NME7: variants seen among roughly 807,000 people sequenced by gnomAD.
NME7 encodes nucleoside diphosphate kinase 7.
Under a neutral mutation model 49.1 loss-of-function variants are expected in NME7, and 41 were observed. That is an observed-to-expected ratio of 0.83 (90% confidence interval 0.65 to 1.08). The LOEUF (loss-of-function observed/expected upper bound fraction) is 1.08, where lower values mean the gene tolerates loss of function less well. Among genes scored for constraint, NME7 ranks in the 50% least tolerant of loss-of-function variants. The pLI is 0.00. For missense variants in NME7, 423 were observed against 463.4 expected (o/e 0.91, Z 0.80); for synonymous variants, 139 against 150.6 (o/e 0.92, Z 0.56).
In NME7 at chr1:169,262,459, G is replaced by A. The variant is rs1293265896; in HGVS notation, c.755-24772C>T. Reference sequence around the variant, plus strand: ...AGAAACTAAGTTTTTGGATATCTGGGGGCAGGGCTAAGATGGTAGACTGGA... The same window carrying A: ...AGAAACTAAGTTTTTGGATATCTGGAGGCAGGGCTAAGATGGTAGACTGGA... On this transcript the variant is annotated intron_variant, in intron 7 of 11. Transcript: ENST00000367811. Among the ~76,000 whole-genome samples the A allele has an allele frequency of 1.5e-5, 2 of 134,056 alleles. 1 individual carries two copies. The highest frequency in any genetic ancestry group is 1.5e-4 in the Admixed American group (2 of 13,782). The allele number at this position is 134,056 out of a possible 152,430, so 87.9% of individuals were successfully genotyped here.
intron 11 of NME7, among the ~76,000 whole-genome samples, chr1:169,146,352 C>T (rs187449242): frequency 2.2e-3 from 337 of 152,238 alleles, no homozygotes; most frequent in African/African-American, 7.4e-3. Flanking sequence ...TGGGGTGATT[C>T]ACACAGGCAT....
intron 10 of NME7, among the ~76,000 whole-genome samples, chr1:169,201,276 A>G (rs1318323393): frequency 1.3e-5 from 2 of 152,132 alleles, no homozygotes; most frequent in African/African-American, 4.8e-5. Context: ...ATTCTGCTAC[A>G]TAGACAGAAA....
intron 10 of NME7, among the ~76,000 whole-genome samples, chr1:169,180,308 C>A (rs902668795): frequency 6.6e-6 from 1 of 152,136 alleles, no homozygotes; most frequent in African/African-American, 2.4e-5. Flanking sequence ...TTATATAGTA[C>A]TTGTGTTTTT....
At chr1:169,246,267 C>T (rs563395731) in intron 7 of NME7, among the ~76,000 whole-genome samples, 2 of 152,210 alleles carry the variant, frequency 1.3e-5, no homozygotes, top group African/African-American at 4.8e-5. Context: ...GATGGCACAA[C>T]TGCAATCCAG....
chr1:169,158,690 G>A (rs571155019), intron 11 of NME7, among the ~76,000 whole-genome samples: 2 of 152,252 alleles, frequency 1.3e-5, no homozygotes, highest in African/African-American at 4.8e-5. Flanking sequence ...CAAATTTCAT[G>A]GGCATCAGAA....
chr1:169,221,223 C>T lies in NME7; in HGVS notation c.990+9495G>A, dbSNP rs529203231. ...GGTCCAACTCACCATCATCTTGTAC[C>T]TGGATTATAACTTCCACTCTTGTCT... On this transcript the variant is annotated intron_variant, in intron 10 of 11. Coordinates refer to ENST00000367811, the MANE Select transcript of NME7 (RefSeq NM_013330.5). Among the ~76,000 whole-genome samples the T allele has an allele frequency of 1.7e-4, 26 of 152,264 alleles. No individual in the cohort carries two copies. The East Asian group carries it at 4.8e-3, about 28-fold the overall frequency.
chr1:169,134,768 C>T (rs1016776235), intron 11 of NME7, among the ~76,000 whole-genome samples: 1 of 151,780 alleles, frequency 6.6e-6, no homozygotes, highest in Non-Finnish European at 1.5e-5. Flanking sequence ...TAAATTTGTT[C>T]AAGTATAGCA....
At chr1:169,321,006 T>C (rs939140779) in intron 3 of NME7, among the ~76,000 whole-genome samples, 2 of 152,212 alleles carry the variant, frequency 1.3e-5, no homozygotes, top group Non-Finnish European at 2.9e-5. Flanking sequence ...TTCTATAAAA[T>C]AGATTTAACA....
intron 11 of NME7, among the ~76,000 whole-genome samples, chr1:169,157,833 G>T (rs535922405): frequency 2.4e-4 from 36 of 152,340 alleles, no homozygotes; most frequent in African/African-American, 8.2e-4. Flanking sequence ...AACCAAAGCC[G>T]ACTTCGAAGA....
intron 1 of NME7, among the ~76,000 whole-genome samples, chr1:169,361,673 G>A (rs562042604): frequency 2.8e-4 from 42 of 151,536 alleles, no homozygotes; most frequent in African/African-American, 9.9e-4. Context: ...CCAGCTACTC[G>A]GGAGGCTGGG....
chr1:169,333,386 A>C (rs1263569232), intron 1 of NME7, among the ~76,000 whole-genome samples: 2 of 152,170 alleles, frequency 1.3e-5, no homozygotes, highest in Non-Finnish European at 2.9e-5. Context: ...AAGAATGACT[A>C]AGACCTAATA....
intron 10 of NME7, among the ~76,000 whole-genome samples, chr1:169,228,681 CT>C (rs1647451495): frequency 2.0e-5 from 2 of 97,976 alleles, no homozygotes; most frequent in Admixed American, 1.1e-4. Flanking sequence ...GAGACTCCGT[CT>C]CAAAAAAAAA....
intron 3 of NME7, among the ~76,000 whole-genome samples, chr1:169,317,538 T>C (rs1651693612): frequency 1.3e-5 from 2 of 152,146 alleles, no homozygotes; most frequent in Non-Finnish European, 2.9e-5. Context: ...TAGCAAGGCC[T>C]CTGTTACTGA....
chr1:169,292,783 T>C (rs1214855006), intron 6 of NME7, among the ~76,000 whole-genome samples: 1 of 152,122 alleles, frequency 6.6e-6, no homozygotes, highest in East Asian at 1.9e-4. Flanking sequence ...GGTAGAAAAG[T>C]ATATTCCAGG....
intron 1 of NME7, among the ~76,000 whole-genome samples, chr1:169,366,459 GT>G: frequency 6.6e-6 from 1 of 152,162 alleles, no homozygotes; most frequent in Non-Finnish European, 1.5e-5. Context: ...GGAGGACATG[GT>G]TTTGCTTTAT....
intron 1 of NME7, among the ~76,000 whole-genome samples, chr1:169,331,408 G>A (rs1013810255): frequency 2.6e-5 from 4 of 152,138 alleles, no homozygotes; most frequent in African/African-American, 9.7e-5. Flanking sequence ...TCTGAGATCT[G>A]AAACATGACG....
chr1:169,140,496 A>C (rs929513348), intron 11 of NME7, among the ~76,000 whole-genome samples: 1 of 152,178 alleles, frequency 6.6e-6, no homozygotes, highest in African/African-American at 2.4e-5. Context: ...TTATACAAAT[A>C]ATACTTTTTT....
chr1:169,197,545 G>A (rs557741061), intron 10 of NME7, among the ~76,000 whole-genome samples: 3 of 152,220 alleles, frequency 2.0e-5, no homozygotes, highest in Admixed American at 2.0e-4. Flanking sequence ...TGAGAGCTCA[G>A]AAATAAATAT....
chr1:169,239,853 A>C (rs1648006891), intron 7 of NME7, among the ~76,000 whole-genome samples: 1 of 152,028 alleles, frequency 6.6e-6, no homozygotes, highest in Non-Finnish European at 1.5e-5. Context: ...CATCTTACTG[A>C]ATAATAGAGT....
Sources: allele counts gnomAD v4.1 joint callset (sites outside exome capture counted in the v4.1 genomes callset), GRCh38; gene constraint gnomAD v4.1.1; transcripts MANE v1.5; gene names NCBI Gene and HGNC (gene_info 2026-07-23, HGNC 2026-07-21).